The following FAM47E variants were observed in gnomAD, a reference collection of about 807,000 sequenced individuals.
The protein encoded by FAM47E is protein FAM47E.
A neutral mutation model predicts 41.6 loss-of-function variants in FAM47E; 32 were observed. The observed-to-expected ratio is 0.77, with a 90% CI of 0.58 to 1.03. FAM47E has a LOEUF of 1.03. FAM47E is among the 50% of genes least tolerant of loss of function. The pLI is 0.00. For synonymous variants in FAM47E, 184 were observed against 188.7 expected (o/e 0.98, Z 0.20); for missense variants, 424 against 485.4 (o/e 0.87, Z 1.19).
upstream of FAM47E, chr4:76,251,689 G>C: frequency 2.1e-6 from 3 of 1,401,124 alleles, no homozygotes; most frequent in Middle Eastern, 1.9e-4. Context: ...GCAACGGGGC[G>C]GCAGCAGGGC....
upstream of FAM47E, among the ~76,000 whole-genome samples, chr4:76,251,388 T>C (rs889335041): frequency 2.0e-5 from 3 of 152,198 alleles, no homozygotes; most frequent in Non-Finnish European, 4.4e-5. Context: ...TCTCTTGCTA[T>C]CTCTTTATCG....
At chr4:76,258,234 G>A (rs968484856) in intron 2 of FAM47E, among the ~76,000 whole-genome samples, 7 of 152,290 alleles carry the variant, frequency 4.6e-5, no homozygotes, top group South Asian at 2.1e-4. Flanking sequence ...TACCCACTTA[G>A]CAACCCCAGC....
chr4:76,225,430 T>C (rs961606344), intron 2 of FAM47E, among the ~76,000 whole-genome samples: 1 of 152,224 alleles, frequency 6.6e-6, no homozygotes, highest in Admixed American at 6.5e-5. Flanking sequence ...CAATGTTGAA[T>C]AGCAGTGATG....
Position 76,274,430 on chromosome 4 carries a change from A to G in FAM47E, c.870+2662A>G, listed in dbSNP as rs534823582. 4.6e-5 allele frequency among the ~76,000 whole-genome samples: 7 copies of G among 152,224 alleles called. No individual in the cohort carries two copies. The South Asian group carries it at 1.5e-3, about 32-fold the overall frequency. ...TCTACAAAAAAAAATTTAGAAAAGAAATTAGCTGGATGTGGTGGCATGTAC... is the reference window on the plus strand; with the variant it reads ...TCTACAAAAAAAAATTTAGAAAAGAGATTAGCTGGATGTGGTGGCATGTAC... On this transcript the variant is annotated intron_variant, in intron 5 of 7. Coordinates refer to ENST00000424749, the MANE Select transcript of FAM47E (RefSeq NM_001136570.3).
chr4:76,234,984 G>A (rs1378704964), intron 2 of FAM47E, among the ~76,000 whole-genome samples: 1 of 152,098 alleles, frequency 6.6e-6, no homozygotes, highest in African/African-American at 2.4e-5. Flanking sequence ...TAGGGACAGG[G>A]TGGGGACCAG....
chr4:76,266,273 G>A (rs941972139), intron 3 of FAM47E, among the ~76,000 whole-genome samples: 2 of 152,158 alleles, frequency 1.3e-5, no homozygotes, highest in African/African-American at 4.8e-5. Context: ...ACCTCCTCTG[G>A]TCCATCTGTA....
At chr4:76,280,477 A>G (rs1036326177) in intron 7 of FAM47E, 136 bp downstream of exon 7, 42 of 516,278 alleles carry the variant, frequency 8.1e-5, no homozygotes, top group Non-Finnish European at 1.4e-4. Context: ...CCTGGAAGAA[A>G]GGGCATGCTT....
chr4:76,270,908 T>A (rs918426366), intron 4 of FAM47E, among the ~76,000 whole-genome samples: 1 of 152,226 alleles, frequency 6.6e-6, no homozygotes, highest in Non-Finnish European at 1.5e-5. Context: ...TGTCCCTTTA[T>A]GTCCCTGATT....
intron 5 of FAM47E, among the ~76,000 whole-genome samples, chr4:76,274,617 G>T (rs1735022919): frequency 6.6e-6 from 1 of 152,156 alleles, no homozygotes; most frequent in South Asian, 2.1e-4. Flanking sequence ...CCAAAGTAAT[G>T]TGGGGTAATT....
chr4:76,264,466 T>A (rs1401114417), intron 3 of FAM47E, among the ~76,000 whole-genome samples: 1 of 152,016 alleles, frequency 6.6e-6, no homozygotes, highest in Non-Finnish European at 1.5e-5. Context: ...CTCAAAGCAT[T>A]AAGCTTAACG....
intron 2 of FAM47E, among the ~76,000 whole-genome samples, chr4:76,232,289 C>T (rs1055117022): frequency 3.9e-5 from 6 of 152,156 alleles, no homozygotes; most frequent in East Asian, 1.9e-4. Context: ...GGTTGATATT[C>T]GTGAACATTT....
chr4:76,214,043 G>T, exon 1 of FAM47E: 1 of 323,354 alleles, frequency 3.1e-6, no homozygotes, highest in South Asian at 2.2e-5. Context: ...CGCTCCCAGC[G>T]CCCTGCACCG....
chr4:76,274,390 A>G (rs975984894), intron 5 of FAM47E, among the ~76,000 whole-genome samples: 31 of 150,980 alleles, frequency 2.1e-4, no homozygotes, highest in African/African-American at 7.5e-4. Flanking sequence ...CGGGCAACAT[A>G]GTGAGACCCC....
intron 4 of FAM47E, chr4:76,269,164 T>C (rs1373024621): frequency 5.6e-6 from 1 of 179,336 alleles, no homozygotes; most frequent in Non-Finnish European, 1.2e-5. Flanking sequence ...TTGATTATAA[T>C]CTTCACACAA....
At chr4:76,215,679 T>C (rs1262687654) in intron 1 of FAM47E, among the ~76,000 whole-genome samples, 1 of 152,070 alleles carries the variant, frequency 6.6e-6, no homozygotes, top group Admixed American at 6.5e-5. Context: ...CTTTGCAAAT[T>C]CTTGCTCTTG....
At chr4:76,226,014 G>A (rs191294608) in intron 2 of FAM47E, among the ~76,000 whole-genome samples, 1 of 152,260 alleles carries the variant, frequency 6.6e-6, no homozygotes, top group Admixed American at 6.5e-5. Flanking sequence ...AATCCATCCG[G>A]TCCTGGACTT....
intron 2 of FAM47E, among the ~76,000 whole-genome samples, chr4:76,241,914 G>A (rs528546486): frequency 2.6e-5 from 4 of 152,212 alleles, no homozygotes; most frequent in African/African-American, 7.2e-5. Flanking sequence ...GTTGGTTCTC[G>A]GCAGGAAAGT....
At chr4:76,251,698 GCA>G, upstream of FAM47E, 18 of 1,434,758 alleles carry the variant, frequency 1.3e-5, no homozygotes, top group Non-Finnish European at 1.6e-5. Context: ...CGGCAGCAGG[GCA>G]CACACACCGC....
chr4:76,237,717 A>G (rs1733618050), intron 2 of FAM47E, among the ~76,000 whole-genome samples: 2 of 152,190 alleles, frequency 1.3e-5, no homozygotes, highest in Admixed American at 1.3e-4. Context: ...GGAAACTCAC[A>G]GTCATGACAG....
Sources: gnomAD v4.1 joint callset for allele counts (sites outside exome capture counted in the v4.1 genomes callset) on GRCh38, gnomAD v4.1.1 for gene constraint, MANE v1.5 for transcripts, NCBI Gene and HGNC (gene_info 2026-07-23, HGNC 2026-07-21) for gene names.